Variants in NCAM2 observed in about 807,000 individuals in gnomAD.
The protein encoded by NCAM2 is N-CAM-2.
Under a neutral mutation model 98.1 loss-of-function variants are expected in NCAM2, and 30 were observed. The observed-to-expected ratio is 0.31, with a 90% confidence interval of 0.23 to 0.41. NCAM2 has a LOEUF of 0.41. Among genes scored for constraint, NCAM2 ranks in the 10% least tolerant of loss-of-function variants. NCAM2 has a pLI of 1.00. For synonymous variants in NCAM2, 368 were observed against 342.4 expected (o/e 1.07, Z -0.83); for missense variants, 867 against 1,005.8 (o/e 0.86, Z 1.87).
intron 1 of NCAM2, among the ~76,000 whole-genome samples, chr21:21,113,762 A>C (rs1382515447): frequency 6.6e-6 from 1 of 152,152 alleles, no homozygotes; most frequent in Non-Finnish European, 1.5e-5. Context: ...TAAATGTTTA[A>C]TGTGTATTTT....
intron 8 of NCAM2, among the ~76,000 whole-genome samples, chr21:21,373,144 A>G (rs2075957600): frequency 6.6e-6 from 1 of 151,854 alleles, no homozygotes; most frequent in Non-Finnish European, 1.5e-5. Flanking sequence ...TTCTAAAAAT[A>G]TTAGAATATA....
intron 9 of NCAM2, among the ~76,000 whole-genome samples, chr21:21,404,067 G>A (rs1029351378): frequency 1.3e-5 from 2 of 151,984 alleles, no homozygotes; most frequent in African/African-American, 2.4e-5. Context: ...GCTTTCAAGT[G>A]TCTTACTACA....
intron 5 of NCAM2, 54 bp from the exon 6 acceptor site, chr21:21,324,329 A>G: frequency 1.6e-6 from 2 of 1,267,610 alleles, no homozygotes; most frequent in Non-Finnish European, 2.2e-6. Context: ...TCTCTAAATG[A>G]TGGTAGTGAA....
intron 1 of NCAM2, among the ~76,000 whole-genome samples, chr21:21,051,327 A>G (rs977480193): frequency 1.3e-4 from 20 of 152,260 alleles, no homozygotes; most frequent in African/African-American, 4.1e-4. Context: ...CCAATTCTGC[A>G]TCTTCGCTTC....
intron 1 of NCAM2, among the ~76,000 whole-genome samples, chr21:21,100,422 A>G (rs538894714): frequency 3.5e-4 from 53 of 152,024 alleles, no homozygotes; most frequent in Non-Finnish European, 6.8e-4. Flanking sequence ...ATCTTTGTGG[A>G]TGCTGGTAAT....
intron 1 of NCAM2, among the ~76,000 whole-genome samples, chr21:21,176,236 G>T (rs1361563503): frequency 6.6e-6 from 1 of 152,034 alleles, no homozygotes; most frequent in Non-Finnish European, 1.5e-5. Flanking sequence ...GGAACTCTTA[G>T]ATCAAATCAA....
At chr21:21,158,099 G>A (rs542061631) in intron 1 of NCAM2, among the ~76,000 whole-genome samples, 4 of 152,096 alleles carry the variant, frequency 2.6e-5, no homozygotes, top group East Asian at 1.9e-4. Context: ...AACTGCAGAA[G>A]GCATACGTAT....
At chr21:21,149,837 C>T (rs1210010383) in intron 1 of NCAM2, among the ~76,000 whole-genome samples, 7 of 152,058 alleles carry the variant, frequency 4.6e-5, no homozygotes, top group Non-Finnish European at 8.8e-5. Context: ...TGAGTTGGTT[C>T]CAAGTCTTTG....
At chr21:21,214,746 T>TATATATATACAC (rs11268201) in intron 1 of NCAM2, among the ~76,000 whole-genome samples, 5,105 of 100,524 alleles carry the variant, frequency 0.051, 219 homozygotes, top group Admixed American at 0.092. Flanking sequence ...TATATATATA[T>TATATATATACAC]ACACTATATA....
chr21:21,066,686 A>C (rs955184275), intron 1 of NCAM2, among the ~76,000 whole-genome samples: 1 of 152,110 alleles, frequency 6.6e-6, no homozygotes, highest in Admixed American at 6.6e-5. Context: ...TTTTACTTTA[A>C]AATCCAAAGG....
rs1471931408 is a variant in NCAM2 at position 21,418,482 on chromosome 21, A to G, written c.1393A>G (p.Thr465Ala). 3.1e-6 allele frequency: 5 copies of G among 1,603,448 alleles called. No homozygotes were observed. The Admixed American group carries it at 6.7e-5, about 21-fold the overall frequency. Reference protein sequence around the residue: ...GRKMILEIAPTSDNDFGRYNC... With the variant: ...GRKMILEIAPASDNDFGRYNC... Reference sequence around the variant, plus strand: ...ATTATAATTATTTCAGATTGCACCTACATCTGACAATGACTTTGGACGCTA... The same window carrying G: ...ATTATAATTATTTCAGATTGCACCTGCATCTGACAATGACTTTGGACGCTA... The change falls in exon 11 of 18, where the codon ACA (threonine) becomes GCA (alanine). Residue 465 changes from threonine (T) to alanine (A), a missense_variant. Transcript: ENST00000400546.
At chr21:21,056,305 C>G (rs774166056) in intron 1 of NCAM2, among the ~76,000 whole-genome samples, 10 of 152,104 alleles carry the variant, frequency 6.6e-5, no homozygotes, top group East Asian at 1.9e-4. Context: ...TGTGGAATTC[C>G]TATTGGAATA....
chr21:20,998,686 G>A (rs2063964538), intron 1 of NCAM2, 68 bp downstream of exon 1: 3 of 1,399,654 alleles, frequency 2.1e-6, no homozygotes, highest in African/African-American at 1.4e-5. Flanking sequence ...GAGGCAAAGA[G>A]GGAGGCGCAG....
chr21:21,201,756 T>C (rs1035282845), intron 1 of NCAM2, among the ~76,000 whole-genome samples: 1 of 152,326 alleles, frequency 6.6e-6, no homozygotes, highest in East Asian at 1.9e-4. Context: ...TTTAAGGAGA[T>C]GCAGTCACTC....
At chr21:21,298,643 G>A (rs2073588694) in intron 5 of NCAM2, among the ~76,000 whole-genome samples, 2 of 149,802 alleles carry the variant, frequency 1.3e-5, no homozygotes, top group Non-Finnish European at 3.0e-5. Flanking sequence ...GATAGATAGA[G>A]ATAATCTGCA....
intron 1 of NCAM2, among the ~76,000 whole-genome samples, chr21:21,103,014 T>C (rs1273800973): frequency 6.6e-6 from 1 of 152,082 alleles, no homozygotes; most frequent in East Asian, 1.9e-4. Flanking sequence ...TATGAAAGGA[T>C]TCATTCTTGT....
chr21:21,371,793 G>C (rs558974288), intron 8 of NCAM2, among the ~76,000 whole-genome samples: 1 of 151,658 alleles, frequency 6.6e-6, no homozygotes, highest in East Asian at 1.9e-4. Context: ...TGCCACCAAG[G>C]GTAGAAACTA....
In NCAM2 at chr21:21,157,775, G is replaced by C. The variant is rs145335847; in HGVS notation, c.56-122803G>C. Among the ~76,000 whole-genome samples the C allele has an allele frequency of 3.9e-3, 591 of 152,152 alleles. 8 individuals are homozygous for C. Among genetic ancestry groups the C allele is most frequent in the African/African-American group, 0.014 (566 of 41,542 alleles). On this transcript the variant is annotated intron_variant, in intron 1 of 17. Transcript: ENST00000400546. ...GAACCATGACAGGTGAAGTTTAAAA[G>C]GATTCATTCTAGGCAAAGTGGTTAG...
intron 1 of NCAM2, among the ~76,000 whole-genome samples, chr21:21,000,670 C>T (rs1336631701): frequency 6.6e-6 from 1 of 151,944 alleles, no homozygotes; most frequent in East Asian, 1.9e-4. Flanking sequence ...CTATCTAGTA[C>T]AATTTCACAA....
Sources: gnomAD v4.1 joint callset for allele counts (sites outside exome capture counted in the v4.1 genomes callset) on GRCh38, gnomAD v4.1.1 for gene constraint, MANE v1.5 for transcripts, NCBI Gene and HGNC (gene_info 2026-07-23, HGNC 2026-07-21) for gene names.